UCK2: variants seen among roughly 807,000 people sequenced by gnomAD.
The protein encoded by UCK2 is uridine-cytidine kinase 2, also known as cytidine monophosphokinase 2.
In UCK2, 6 loss-of-function variants were observed where a neutral mutation model predicts 30.8. The observed-to-expected ratio is 0.19, with a 90% CI of 0.11 to 0.38. The LOEUF (loss-of-function observed/expected upper bound fraction) is 0.38. Ranked by LOEUF, UCK2 falls within the 10% of genes least tolerant of loss-of-function variation. UCK2 has a pLI of 1.00. For missense variants in UCK2, 210 were observed against 339.8 expected (o/e 0.62, Z 3.00); for synonymous variants, 125 against 133.6 (o/e 0.94, Z 0.45).
chr1:165,904,638 C>G lies in UCK2; in HGVS notation c.598-1283C>G, dbSNP rs1426839667. 2.0e-5 allele frequency among the ~76,000 whole-genome samples: 3 copies of G among 152,182 alleles called. 1 individual carries two copies. The highest frequency in any genetic ancestry group is 1.3e-4 in the Admixed American group (2 of 15,276). The stretch of plus-strand genomic sequence containing the variant: ...TTCCACTGTCCAGCCACTCTTTGCT[C>G]AGGGAAGATCAGCTCATTCCCCTGT... On this transcript the variant is annotated intron_variant, in intron 5 of 6. Transcript: ENST00000367879.
chr1:165,859,788 T>C (rs1463150943), intron 1 of UCK2, among the ~76,000 whole-genome samples: 1 of 152,090 alleles, frequency 6.6e-6, no homozygotes, highest in African/African-American at 2.4e-5. Context: ...AAGGCTGAAC[T>C]AAGTCATGAG....
At chr1:165,863,493 C>T (rs914837058) in intron 1 of UCK2, among the ~76,000 whole-genome samples, 36 of 152,332 alleles carry the variant, frequency 2.4e-4, no homozygotes, top group African/African-American at 8.2e-4. Context: ...ATGCTGGGAA[C>T]CTAATCCTCA....
At chr1:165,829,366 A>G (rs927479717) in intron 1 of UCK2, among the ~76,000 whole-genome samples, 9 of 152,194 alleles carry the variant, frequency 5.9e-5, no homozygotes, top group African/African-American at 1.9e-4. Flanking sequence ...CTGTTCTTTT[A>G]GAATTATTCT....
chr1:165,840,877 A>G (rs1654311662), intron 1 of UCK2, among the ~76,000 whole-genome samples: 1 of 152,176 alleles, frequency 6.6e-6, no homozygotes, highest in Non-Finnish European at 1.5e-5. Context: ...TACTAATAGA[A>G]CACCTAGCAA....
intron 4 of UCK2, among the ~76,000 whole-genome samples, chr1:165,901,518 C>G (rs1647460763): frequency 1.3e-5 from 2 of 152,138 alleles, no homozygotes; most frequent in South Asian, 4.2e-4. Context: ...ACAGATATAC[C>G]CCATGTTCGT....
At chr1:165,869,146 G>C (rs1271516616) in intron 1 of UCK2, among the ~76,000 whole-genome samples, 1 of 152,098 alleles carries the variant, frequency 6.6e-6, no homozygotes, top group Non-Finnish European at 1.5e-5. Context: ...GGCGTGGTTG[G>C]TGGCACCCCG....
chr1:165,870,892 A>G (rs1655180694), intron 1 of UCK2, among the ~76,000 whole-genome samples: 1 of 152,194 alleles, frequency 6.6e-6, no homozygotes, highest in Non-Finnish European at 1.5e-5. Flanking sequence ...ATCTTGGCTC[A>G]TTGCAACCTC....
intron 1 of UCK2, among the ~76,000 whole-genome samples, chr1:165,857,303 A>G (rs1199968141): frequency 6.6e-6 from 1 of 152,192 alleles, no homozygotes; most frequent in African/African-American, 2.4e-5. Flanking sequence ...TTATGGTACT[A>G]AGTACCATCT....
intron 1 of UCK2, among the ~76,000 whole-genome samples, chr1:165,863,363 A>AT: frequency 6.6e-6 from 1 of 152,184 alleles, no homozygotes; most frequent in East Asian, 1.9e-4. Flanking sequence ...AAGCACCAGC[A>AT]TTTTTGGTGT....
At chr1:165,893,463 G>A (rs990450829) in intron 3 of UCK2, among the ~76,000 whole-genome samples, 7 of 152,046 alleles carry the variant, frequency 4.6e-5, no homozygotes, top group African/African-American at 7.2e-5. Context: ...ATTGGACATC[G>A]AGCCATTCAG....
At chr1:165,856,161 G>A (rs191464229) in intron 1 of UCK2, among the ~76,000 whole-genome samples, 25 of 152,098 alleles carry the variant, frequency 1.6e-4, no homozygotes, top group African/African-American at 6.0e-4. Flanking sequence ...AGATACATAT[G>A]TCTGCATTCA....
At chr1:165,896,602 A>G (rs988136429) in intron 4 of UCK2, among the ~76,000 whole-genome samples, 1 of 152,224 alleles carries the variant, frequency 6.6e-6, no homozygotes, top group Non-Finnish European at 1.5e-5. Context: ...TAAGACACTG[A>G]CATCTGGTTT....
intron 1 of UCK2, among the ~76,000 whole-genome samples, chr1:165,842,520 C>G (rs1013193605): frequency 4.6e-5 from 7 of 152,190 alleles, no homozygotes; most frequent in African/African-American, 1.4e-4. Flanking sequence ...CTCTGTCACT[C>G]CTGCACTTCC....
intron 5 of UCK2, among the ~76,000 whole-genome samples, chr1:165,905,400 C>T (rs1026112185): frequency 6.6e-6 from 1 of 152,044 alleles, no homozygotes; most frequent in African/African-American, 2.4e-5. Context: ...GGGATGATCT[C>T]CCCAACTCAG....
At chr1:165,898,794 T>C (rs562807147) in intron 4 of UCK2, among the ~76,000 whole-genome samples, 5 of 152,364 alleles carry the variant, frequency 3.3e-5, no homozygotes, top group African/African-American at 1.2e-4. Flanking sequence ...ACAATGGTGC[T>C]GGCCCTCTGG....
chr1:165,901,015 C>G (rs1004063278), intron 4 of UCK2, among the ~76,000 whole-genome samples: 12 of 152,258 alleles, frequency 7.9e-5, no homozygotes, highest in African/African-American at 2.9e-4. Context: ...CGGTGCTACT[C>G]TGGTTAGCCA....
intron 1 of UCK2, among the ~76,000 whole-genome samples, chr1:165,828,840 A>G (rs1653965866): frequency 6.6e-6 from 1 of 152,158 alleles, no homozygotes; most frequent in African/African-American, 2.4e-5. Context: ...CTCCCCTAAC[A>G]GCCTTTAAGA....
rs76628479 is a variant in UCK2, at chr1:165,873,111, C to T, written c.100-17093C>T. Among the ~76,000 whole-genome samples, 1,366 of 152,138 alleles carry T rather than the reference C, an allele frequency of 9.0e-3. 32 individuals carry two copies. Among genetic ancestry groups the T allele is most frequent in the African/African-American group, 0.031 (1,276 of 41,506 alleles). ...TAGGAACTACCGAAAAACAAACCAA[C>T]GAACAGAAAAGAAAACCAAAAAAAC... is the stretch of plus-strand genomic sequence containing the variant. On this transcript the variant is annotated intron_variant, in intron 1 of 6. Transcript: ENST00000367879.
chr1:165,870,372 G>A (rs1655166289), intron 1 of UCK2, among the ~76,000 whole-genome samples: 1 of 149,736 alleles, frequency 6.7e-6, no homozygotes, highest in Non-Finnish European at 1.5e-5. Flanking sequence ...ACCATTTGCT[G>A]GATGACAATT....
Sources: allele counts gnomAD v4.1 joint callset (sites outside exome capture counted in the v4.1 genomes callset), GRCh38; gene constraint gnomAD v4.1.1; transcripts MANE v1.5; gene names NCBI Gene and HGNC (gene_info 2026-07-23, HGNC 2026-07-21).